The following MAST2 variants were observed in gnomAD, a reference collection of about 807,000 sequenced individuals.
The protein encoded by MAST2 is microtubule associated serine/threonine kinase 2, also known as microtubule-associated serine/threonine-protein kinase 2.
A neutral mutation model predicts 147.4 loss-of-function variants in MAST2; 70 were observed. The observed-to-expected ratio is 0.47, with a 90% CI of 0.39 to 0.58. The LOEUF is 0.58. Ranked by LOEUF, MAST2 falls within the 20% of genes least tolerant of loss-of-function variation. MAST2 has a pLI of 0.00. For missense variants in MAST2, 2,080 were observed against 2,302.3 expected, an observed-to-expected ratio of 0.90 and a Z score of 1.98; for synonymous variants, 869 against 896.8, an observed-to-expected ratio of 0.97 and a Z score of 0.55.
intron 4 of MAST2, among the ~76,000 whole-genome samples, chr1:45,888,897 G>A (rs1647241849): frequency 6.7e-6 from 1 of 149,650 alleles, no homozygotes. Flanking sequence ...AGCCAGGATG[G>A]TCTCAATCTG....
At chr1:46,027,560 G>A (rs1037199070) in intron 16 of MAST2, among the ~76,000 whole-genome samples, 171 bp from the exon 17 acceptor site, 14 of 152,198 alleles carry the variant, frequency 9.2e-5, no homozygotes, top group Non-Finnish European at 1.3e-4. Context: ...CACTCACACA[G>A]CCAGAGCGAT....
At chr1:45,900,953 C>G (rs1649669646) in intron 4 of MAST2, among the ~76,000 whole-genome samples, 1 of 152,022 alleles carries the variant, frequency 6.6e-6, no homozygotes, top group Admixed American at 6.6e-5. Flanking sequence ...TATGGGTTGT[C>G]TTTTTATTCT....
At chr1:45,860,566 T>C (rs1032222075) in intron 3 of MAST2, among the ~76,000 whole-genome samples, 55 of 152,140 alleles carry the variant, frequency 3.6e-4, no homozygotes, top group Admixed American at 3.6e-3. Context: ...GCGCAGTGGC[T>C]GATGCCTGTA....
chr1:45,933,467 C>G (rs114692450), intron 4 of MAST2, among the ~76,000 whole-genome samples: 8 of 151,296 alleles, frequency 5.3e-5, no homozygotes, highest in African/African-American at 1.7e-4. Context: ...TGGCCGGGCA[C>G]GGTGGCTCAC....
chr1:45,834,907 C>T (rs1363052723), intron 3 of MAST2, among the ~76,000 whole-genome samples: 2 of 152,020 alleles, frequency 1.3e-5, no homozygotes, highest in Non-Finnish European at 2.9e-5. Flanking sequence ...GTCTTTCCAT[C>T]CGCCCAAGCC....
chr1:45,927,833 A>G (rs1439445251), intron 4 of MAST2, among the ~76,000 whole-genome samples: 1 of 152,220 alleles, frequency 6.6e-6, no homozygotes, highest in African/African-American at 2.4e-5. Flanking sequence ...AATCTTTACA[A>G]TTTATGTTTA....
intron 5 of MAST2, among the ~76,000 whole-genome samples, chr1:45,992,123 G>A (rs1180097784): frequency 1.3e-5 from 2 of 151,978 alleles, no homozygotes; most frequent in Non-Finnish European, 2.9e-5. Context: ...TGTTCTTGGA[G>A]AAAAAATACC....
chr1:45,916,412 A>T (rs74830009), intron 4 of MAST2, among the ~76,000 whole-genome samples: 2 of 152,310 alleles, frequency 1.3e-5, no homozygotes, highest in African/African-American at 4.8e-5. Flanking sequence ...AATGGTAGCA[A>T]ATTAGAAATC....
chr1:45,804,783 G>A (rs1412275998), intron 1 of MAST2, among the ~76,000 whole-genome samples: 1 of 152,224 alleles, frequency 6.6e-6, no homozygotes, highest in African/African-American at 2.4e-5. Context: ...TCAAGAGTAG[G>A]TGTATTTATG....
intron 4 of MAST2, among the ~76,000 whole-genome samples, chr1:45,958,088 G>A (rs2148900488): frequency 6.6e-6 from 1 of 152,276 alleles, no homozygotes; most frequent in South Asian, 2.1e-4. Context: ...TGTCAGGTTA[G>A]AGAGTGGAAG....
At chr1:45,864,145 A>C (rs897155179) in intron 3 of MAST2, among the ~76,000 whole-genome samples, 4 of 152,242 alleles carry the variant, frequency 2.6e-5, no homozygotes, top group African/African-American at 9.6e-5. Flanking sequence ...CTGAAGTTCT[A>C]CTTTAAAAAT....
In MAST2 at chr1:46,028,633, T is replaced by C. The variant is rs886564274; in HGVS notation, c.2053-135T>C. The C allele has an allele frequency of 1.5e-5, 13 of 845,462 alleles. No individual in the cohort carries two copies. In the African/African-American group the frequency reaches 2.0e-4, roughly 13 times the overall value. 52.4% of individuals were successfully genotyped at this position (845,462 alleles called of 1,614,324 possible). Reference sequence around the variant, plus strand: ...TTGTTCCCTGGGGCTTCTGTTGATCTTGTTCATTAACTAAGGTGGGCTGAG... The same window carrying C: ...TTGTTCCCTGGGGCTTCTGTTGATCCTGTTCATTAACTAAGGTGGGCTGAG... On this transcript the variant is annotated intron_variant, in intron 17 of 28. Coordinates refer to ENST00000361297, the MANE Select transcript of MAST2 (RefSeq NM_015112.3).
At chr1:45,946,644 C>T (rs545558574) in intron 4 of MAST2, among the ~76,000 whole-genome samples, 1 of 152,258 alleles carries the variant, frequency 6.6e-6, no homozygotes, top group African/African-American at 2.4e-5. Flanking sequence ...ATTATGCTTC[C>T]TTTGCATTGC....
chr1:45,991,589 T>C lies in MAST2; in HGVS notation c.593-6135T>C, dbSNP rs149811247. Among the ~76,000 whole-genome samples the C allele has an allele frequency of 1.4e-3, 207 of 152,338 alleles. 1 individual carries two copies. In the East Asian group the frequency reaches 0.028, roughly 20 times the overall value. Reference sequence around the variant, plus strand: ...TAATTTACAGTGTATAGATTTTCAGTGTATTTGTTAAATTTATATGTAGGC... The same window carrying C: ...TAATTTACAGTGTATAGATTTTCAGCGTATTTGTTAAATTTATATGTAGGC... On this transcript the variant is annotated intron_variant, in intron 5 of 28. Transcript: ENST00000361297.
At chr1:45,981,860 T>C (rs1383672618) in intron 5 of MAST2, among the ~76,000 whole-genome samples, 1 of 151,464 alleles carries the variant, frequency 6.6e-6, no homozygotes, top group African/African-American at 2.4e-5. Flanking sequence ...TTTTTTTTTT[T>C]GAAAGAGTCT....
intron 19 of MAST2, 51 bp from the exon 20 acceptor site, chr1:46,029,780 G>A: frequency 6.2e-7 from 1 of 1,604,584 alleles, no homozygotes; most frequent in East Asian, 2.2e-5. Context: ...TGCTGACCTA[G>A]ACTCCATGCT....
chr1:46,028,021 G>A (rs1467446044), intron 17 of MAST2, among the ~76,000 whole-genome samples, 158 bp downstream of exon 17: 1 of 152,160 alleles, frequency 6.6e-6, no homozygotes, highest in African/African-American at 2.4e-5. Context: ...CTACATTTGT[G>A]TACACATACA....
chr1:45,862,599 A>G (rs1436537413), intron 3 of MAST2, among the ~76,000 whole-genome samples: 2 of 150,830 alleles, frequency 1.3e-5, no homozygotes, highest in East Asian at 3.9e-4. Flanking sequence ...CCTCCCAAGT[A>G]GTTGGGATTA....
chr1:45,881,947 C>T (rs150662592), intron 3 of MAST2, among the ~76,000 whole-genome samples: 417 of 132,598 alleles, frequency 3.1e-3, no homozygotes, highest in Middle Eastern at 8.8e-3. Context: ...GAGGCCGAGG[C>T]GGGCGGATCA....
Sources: allele counts gnomAD v4.1 joint callset (sites outside exome capture counted in the v4.1 genomes callset), GRCh38; gene constraint gnomAD v4.1.1; transcripts MANE v1.5; gene names NCBI Gene and HGNC (gene_info 2026-07-23, HGNC 2026-07-21).